The following CCDC3 variants were observed in gnomAD, a reference collection of about 807,000 sequenced individuals.
The protein encoded by CCDC3 is coiled-coil domain-containing protein 3.
CCDC3 carries 24 observed loss-of-function variants against 21.4 expected under a neutral mutation model. That is an observed-to-expected ratio of 1.12 (90% CI 0.81 to 1.58). The LOEUF is 1.58. Ranked by LOEUF, CCDC3 falls within the 40% of genes most tolerant of loss-of-function variation. CCDC3 has a pLI of 0.00. For synonymous variants in CCDC3, 186 were observed against 166.0 expected, an observed-to-expected ratio of 1.12 and a Z score of -0.93; for missense variants, 425 against 360.9, an observed-to-expected ratio of 1.18 and a Z score of -1.44.
chr10:13,013,256 G>A (rs1836005322), intron 5 of CCDC3, among the ~76,000 whole-genome samples: 2 of 152,300 alleles, frequency 1.3e-5, no homozygotes, highest in South Asian at 4.2e-4. Flanking sequence ...CCAGGACTCT[G>A]GAGAAATAGA....
At chr10:13,009,747 G>A (rs184206031) in intron 5 of CCDC3, among the ~76,000 whole-genome samples, 1 of 152,246 alleles carries the variant, frequency 6.6e-6, no homozygotes, top group Admixed American at 6.5e-5. Flanking sequence ...ACCTATCACT[G>A]TACACAAAAA....
chr10:13,028,720 A>G (rs986861158), intron 5 of CCDC3, among the ~76,000 whole-genome samples: 1 of 152,210 alleles, frequency 6.6e-6, no homozygotes, highest in African/African-American at 2.4e-5. Flanking sequence ...AATCCTAGGA[A>G]GATGAATTGA....
At chr10:13,073,180 C>T (rs985738908) in intron 4 of CCDC3, among the ~76,000 whole-genome samples, 3 of 151,994 alleles carry the variant, frequency 2.0e-5, no homozygotes, top group Non-Finnish European at 4.4e-5. Context: ...AATCATTTCA[C>T]TTAGGAGTTT....
At chr10:13,047,770 A>G (rs1588404951) in intron 5 of CCDC3, among the ~76,000 whole-genome samples, 1 of 152,250 alleles carries the variant, frequency 6.6e-6, no homozygotes, top group East Asian at 1.9e-4. Context: ...AAGGCCTGAG[A>G]TCGGTTTGTT....
intron 2 of CCDC3, among the ~76,000 whole-genome samples, chr10:12,980,089 C>T (rs35817274): frequency 0.015 from 2,242 of 152,284 alleles, 31 homozygotes; most frequent in Non-Finnish European, 0.023. Context: ...GGCAATCTCC[C>T]GGGTCCCTTT....
At chr10:12,990,213 C>A (rs531133324) in intron 2 of CCDC3, among the ~76,000 whole-genome samples, 1 of 150,466 alleles carries the variant, frequency 6.6e-6, no homozygotes, top group Non-Finnish European at 1.5e-5. Flanking sequence ...GCCAAGATAG[C>A]GCCACTACTG....
intron 5 of CCDC3, among the ~76,000 whole-genome samples, chr10:13,026,720 C>T (rs1836221648): frequency 6.6e-6 from 1 of 152,166 alleles, no homozygotes; most frequent in Non-Finnish European, 1.5e-5. Context: ...AGCATACATG[C>T]TAACCATTTC....
intron 2 of CCDC3, among the ~76,000 whole-genome samples, chr10:12,906,422 C>G (rs2131198759): frequency 6.6e-6 from 1 of 152,140 alleles, no homozygotes; most frequent in East Asian, 1.9e-4. Flanking sequence ...GCAGGAGTTT[C>G]CTTTCCATGA....
chr10:12,921,691 T>C (rs1304186191), intron 2 of CCDC3, among the ~76,000 whole-genome samples: 2 of 152,232 alleles, frequency 1.3e-5, no homozygotes, highest in Non-Finnish European at 2.9e-5. Flanking sequence ...TAATTTTTTT[T>C]GCATTGTAGT....
chr10:13,057,702 A>AC (rs1290584695), intron 4 of CCDC3, among the ~76,000 whole-genome samples: 4 of 152,200 alleles, frequency 2.6e-5, no homozygotes, highest in Middle Eastern at 3.4e-3. Flanking sequence ...ATATAGTGAA[A>AC]CCCCATCTCT....
chr10:12,998,277 T>C, intron 2 of CCDC3, 61 bp downstream of exon 2: 1 of 1,549,718 alleles, frequency 6.5e-7, no homozygotes, highest in Non-Finnish European at 8.7e-7. Context: ...GGTCACAAAA[T>C]TCACACAAGG....
chr10:13,020,971 CGAAT>C (rs1034334782), intron 5 of CCDC3, among the ~76,000 whole-genome samples: 1 of 152,088 alleles, frequency 6.6e-6, no homozygotes, highest in Non-Finnish European at 1.5e-5. Context: ...GCTGAATGAA[CGAAT>C]GAATGAATGA....
Position 13,014,086 on chromosome 10 carries a change from G to C in CCDC3, c.-1-15574C>G, listed in dbSNP as rs1836018565. ...GACTCACTTGAACCCGGGAGGTAGAGATTGCAGTGAGCCGAGATCACGCCA... is the reference window on the plus strand; with the variant it reads ...GACTCACTTGAACCCGGGAGGTAGACATTGCAGTGAGCCGAGATCACGCCA... On this transcript the variant is annotated intron_variant, in intron 5 of 6. Transcript: ENST00000378839. Among the ~76,000 whole-genome samples the C allele has an allele frequency of 4.6e-5, 7 of 152,006 alleles. No homozygotes were observed. In the South Asian group the frequency reaches 1.5e-3, roughly 32 times the overall value.
intron 2 of CCDC3, among the ~76,000 whole-genome samples, chr10:12,969,429 G>A (rs1159966804): frequency 6.6e-6 from 1 of 150,434 alleles, no homozygotes; most frequent in African/African-American, 2.4e-5. Context: ...TGGAAATTAT[G>A]TTCAATTATG....
chr10:13,048,051 G>A (rs12356199), intron 5 of CCDC3, among the ~76,000 whole-genome samples: 5,824 of 152,264 alleles, frequency 0.038, 170 homozygotes, highest in Non-Finnish European at 0.058. Flanking sequence ...CACCTCACGC[G>A]CAATGTAAGG....
chr10:12,906,640 C>T (rs1381475060), intron 2 of CCDC3, among the ~76,000 whole-genome samples: 1 of 152,206 alleles, frequency 6.6e-6, no homozygotes, highest in Non-Finnish European at 1.5e-5. Context: ...GCCCACTCAG[C>T]CCCACCATCG....
At chr10:13,094,042 C>G (rs1832604860) in intron 3 of CCDC3, among the ~76,000 whole-genome samples, 1 of 152,124 alleles carries the variant, frequency 6.6e-6, no homozygotes, top group Non-Finnish European at 1.5e-5. Context: ...AGTTTTGTAG[C>G]AAAACAAGGA....
chr10:13,082,152 C>T lies in CCDC3; in HGVS notation c.-502-8052G>A, dbSNP rs1337009593. On this transcript the variant is annotated intron_variant, in intron 3 of 6. Coordinates refer to the CCDC3 transcript ENST00000378839. Reference sequence around the variant, plus strand: ...GACAGCTGGGCCCAGGGGACCACTACCACCAAGATGTGGAGACTGATAGTG... The same window carrying T: ...GACAGCTGGGCCCAGGGGACCACTATCACCAAGATGTGGAGACTGATAGTG... Among the ~76,000 whole-genome samples, 8 of 152,160 alleles carry T rather than the reference C, an allele frequency of 5.3e-5. No individual in the cohort carries two copies. In the East Asian group the frequency reaches 1.5e-3, roughly 29 times the overall value.
chr10:13,001,718 G>A (rs1384565987), upstream of CCDC3: 3 of 438,308 alleles, frequency 6.8e-6, no homozygotes, highest in Non-Finnish European at 9.3e-6. Flanking sequence ...CGGCATGCCC[G>A]GCCCTGGCGC....
Sources: allele counts gnomAD v4.1 joint callset (sites outside exome capture counted in the v4.1 genomes callset), GRCh38; gene constraint gnomAD v4.1.1; transcripts MANE v1.5; gene names NCBI Gene and HGNC (gene_info 2026-07-23, HGNC 2026-07-21).